ADAMTS18: variants seen among roughly 807,000 people sequenced by gnomAD.
ADAMTS18 encodes the protein ADAM metallopeptidase with thrombospondin type 1 motif 18, also known as A disintegrin and metalloproteinase with thrombospondin motifs 18.
A neutral mutation model predicts 165.9 loss-of-function variants in ADAMTS18; 157 were observed. That is an observed-to-expected ratio of 0.95 (90% CI 0.83 to 1.08). The LOEUF (loss-of-function observed/expected upper bound fraction) is 1.08. Ranked by LOEUF, ADAMTS18 falls within the 50% of genes least tolerant of loss-of-function variation. The pLI is 0.00. For synonymous variants in ADAMTS18, 782 were observed against 578.2 expected, an observed-to-expected ratio of 1.35 and a Z score of -5.06; for missense variants, 2,040 against 1,534.0, an observed-to-expected ratio of 1.33 and a Z score of -5.51.
intron 3 of ADAMTS18, among the ~76,000 whole-genome samples, chr16:77,382,200 GT>G (rs2057040997): frequency 6.6e-6 from 1 of 150,804 alleles, no homozygotes; most frequent in Non-Finnish European, 1.5e-5. Flanking sequence ...CCAGTTTTTG[GT>G]TTTTTGTTTG....
chr16:77,417,426 A>T (rs1032688017), intron 3 of ADAMTS18, among the ~76,000 whole-genome samples: 2 of 152,194 alleles, frequency 1.3e-5, no homozygotes, highest in African/African-American at 4.8e-5. Context: ...TTATATATTT[A>T]TAAAGATATT....
At chr16:77,381,029 A>T (rs958126048) in intron 3 of ADAMTS18, among the ~76,000 whole-genome samples, 2 of 152,002 alleles carry the variant, frequency 1.3e-5, no homozygotes, top group Admixed American at 6.6e-5. Context: ...TGCTGCCATC[A>T]TGCCTGGTGA....
intron 12 of ADAMTS18, among the ~76,000 whole-genome samples, chr16:77,327,723 C>A (rs72628225): frequency 6.6e-6 from 1 of 152,012 alleles, no homozygotes; most frequent in African/African-American, 2.4e-5. Flanking sequence ...GTGTGCTCGT[C>A]TGCTACATGC....
At chr16:77,308,766 G>A (rs1395558567) in intron 16 of ADAMTS18, among the ~76,000 whole-genome samples, 1 of 152,146 alleles carries the variant, frequency 6.6e-6, no homozygotes, top group Non-Finnish European at 1.5e-5. Context: ...CCCAGCATAT[G>A]TATGTGTCTA....
At chr16:77,366,640 G>T (rs529694452) in intron 4 of ADAMTS18, among the ~76,000 whole-genome samples, 1 of 152,302 alleles carries the variant, frequency 6.6e-6, no homozygotes, top group South Asian at 2.1e-4. Context: ...CAAACAACTT[G>T]AGTATGTAAA....
intron 7 of ADAMTS18, among the ~76,000 whole-genome samples, chr16:77,361,852 C>A (rs139864579): frequency 8.6e-5 from 13 of 151,972 alleles, no homozygotes; most frequent in Admixed American, 5.2e-4. Context: ...CCATTACACT[C>A]CAGCCTGGGC....
chr16:77,404,833 C>A (rs2057374005), intron 3 of ADAMTS18, among the ~76,000 whole-genome samples: 1 of 152,098 alleles, frequency 6.6e-6, no homozygotes, highest in African/African-American at 2.4e-5. Context: ...AGGAAGATGG[C>A]CAAGTAAACT....
chr16:77,324,997 C>T (rs2056067934), intron 13 of ADAMTS18, among the ~76,000 whole-genome samples: 1 of 152,108 alleles, frequency 6.6e-6, no homozygotes, highest in African/African-American at 2.4e-5. Flanking sequence ...TCCTCTCTTT[C>T]GATTTGGAGG....
Position 77,408,741 on chromosome 16 carries a change from T to C in ADAMTS18, c.495+22554A>G, listed in dbSNP as rs192129283. On this transcript the variant is annotated intron_variant, in intron 3 of 22. Coordinates refer to ENST00000282849, the MANE Select transcript of ADAMTS18 (RefSeq NM_199355.4). ...GAGAGAAGGTATGAGTGAAGGCTTT[T>C]GCAATGATGGTGACATGATATATTT... is the stretch of plus-strand genomic sequence containing the variant. 3.3e-4 allele frequency among the ~76,000 whole-genome samples: 50 copies of C among 152,298 alleles called. 1 individual carries two copies. Among genetic ancestry groups the C allele is most frequent in the Middle Eastern group, 6.8e-3 (2 of 294 alleles).
Position 77,293,494 on chromosome 16 carries a change from G to C in ADAMTS18, c.3007-236C>G, listed in dbSNP as rs559015657. Among the ~76,000 whole-genome samples, 4 of 151,872 alleles carry C rather than the reference G, an allele frequency of 2.6e-5. No homozygotes were observed. The East Asian group carries it at 7.8e-4, about 30-fold the overall frequency. ...TTATATTGCTAACTGCAAAGAAAGA[G>C]ACTAGACTCAACACCATGTACTATT... is the stretch of plus-strand genomic sequence containing the variant. On this transcript the variant is annotated intron_variant, in intron 19 of 22. Transcript: ENST00000282849.
intron 9 of ADAMTS18, among the ~76,000 whole-genome samples, chr16:77,354,776 T>A (rs1216687497): frequency 6.6e-6 from 1 of 152,238 alleles, no homozygotes; most frequent in Non-Finnish European, 1.5e-5. Context: ...GTTATCATTA[T>A]TATAACATTT....
At chr16:77,411,345 G>A (rs867470857) in intron 3 of ADAMTS18, among the ~76,000 whole-genome samples, 1 of 152,290 alleles carries the variant, frequency 6.6e-6, no homozygotes, top group South Asian at 2.1e-4. Flanking sequence ...TCATGCCAAC[G>A]CCTTTTTGCA....
intron 3 of ADAMTS18, among the ~76,000 whole-genome samples, chr16:77,381,571 C>T (rs1036211932): frequency 7.9e-5 from 12 of 152,044 alleles, no homozygotes; most frequent in South Asian, 2.1e-4. Flanking sequence ...TGGGAGGCCG[C>T]GGCAGGTGGA....
At chr16:77,323,838 C>G (rs2056047180) in intron 13 of ADAMTS18, among the ~76,000 whole-genome samples, 1 of 152,168 alleles carries the variant, frequency 6.6e-6, no homozygotes, top group Non-Finnish European at 1.5e-5. Flanking sequence ...GGCAGGGAGT[C>G]TATGTTTGAT....
intron 3 of ADAMTS18, among the ~76,000 whole-genome samples, chr16:77,383,586 C>A (rs1018550291): frequency 3.3e-5 from 5 of 152,070 alleles, no homozygotes; most frequent in African/African-American, 1.2e-4. Context: ...CTCTGTCACC[C>A]AGGCTGGATT....
chr16:77,307,665 G>C (rs10514411), intron 16 of ADAMTS18, among the ~76,000 whole-genome samples: 1 of 152,030 alleles, frequency 6.6e-6, no homozygotes, highest in Non-Finnish European at 1.5e-5. Flanking sequence ...TCGTCCTCTC[G>C]AGCCTGACTA....
intron 7 of ADAMTS18, among the ~76,000 whole-genome samples, chr16:77,360,009 A>T (rs899137076): frequency 2.0e-5 from 3 of 152,232 alleles, no homozygotes; most frequent in African/African-American, 7.2e-5. Flanking sequence ...TTATAAAAGC[A>T]TCCCGGCCAG....
intron 3 of ADAMTS18, among the ~76,000 whole-genome samples, chr16:77,377,454 G>T (rs1473240156): frequency 6.6e-6 from 1 of 152,180 alleles, no homozygotes; most frequent in African/African-American, 2.4e-5. Context: ...AAATTTAAAA[G>T]ATCTAATGAA....
intron 16 of ADAMTS18, among the ~76,000 whole-genome samples, chr16:77,310,969 C>G (rs2055769065): frequency 1.3e-5 from 2 of 152,002 alleles, no homozygotes; most frequent in Non-Finnish European, 1.5e-5. Flanking sequence ...GTTTTTTAAA[C>G]CAGACAATGA....
Sources: allele counts gnomAD v4.1 joint callset (sites outside exome capture counted in the v4.1 genomes callset), GRCh38; gene constraint gnomAD v4.1.1; transcripts MANE v1.5; gene names NCBI Gene and HGNC (gene_info 2026-07-23, HGNC 2026-07-21).